ZSCAN25: variants seen among roughly 807,000 people sequenced by gnomAD.
ZSCAN25 encodes the protein zinc finger and SCAN domain containing 25, also known as zinc finger and SCAN domain-containing protein 25.
ZSCAN25 carries 27 observed loss-of-function variants against 38.7 expected under a neutral mutation model. The observed-to-expected ratio is 0.70, with a 90% CI of 0.51 to 0.96. The LOEUF (loss-of-function observed/expected upper bound fraction) is 0.96, where lower values mean the gene tolerates loss of function less well. Ranked by LOEUF, ZSCAN25 falls within the 40% of genes least tolerant of loss-of-function variation. The pLI is 0.00. For synonymous variants in ZSCAN25, 273 were observed against 277.7 expected (o/e 0.98, Z 0.17); for missense variants, 637 against 705.9 (o/e 0.90, Z 1.11).
chr7:99,706,104 C>A, the ZSCAN25 span, among the ~76,000 whole-genome samples: 2 of 152,136 alleles, frequency 1.3e-5, no homozygotes, highest in African/African-American at 4.8e-5. Context: ...TGGGAAGACA[C>A]CTTCAGGAAG....
At chr7:99,710,822 A>G in the ZSCAN25 span, 1 of 1,613,854 alleles carries the variant, frequency 6.2e-7, no homozygotes, top group African/African-American at 1.3e-5. Flanking sequence ...AGGAGAGAAC[A>G]CTGCTCGTGG....
At chr7:99,658,890 T>G in the ZSCAN25 span, 1 of 152,264 alleles carries the variant, frequency 6.6e-6, no homozygotes, top group Non-Finnish European at 1.5e-5. Context: ...CTGAGGCTTG[T>G]GCATTCATCA....
the ZSCAN25 span, chr7:99,720,339 A>G: frequency 6.2e-7 from 1 of 1,613,522 alleles, no homozygotes; most frequent in Non-Finnish European, 8.5e-7. Flanking sequence ...ACAGAATAAC[A>G]TTCTTTCACT....
chr7:99,677,914 G>T, the ZSCAN25 span, among the ~76,000 whole-genome samples: 1 of 152,234 alleles, frequency 6.6e-6, no homozygotes, highest in Non-Finnish European at 1.5e-5. Flanking sequence ...ATCTTGGTGA[G>T]TGTCTAGATT....
At chr7:99,675,067 A>G in the ZSCAN25 span, among the ~76,000 whole-genome samples, 15 of 152,144 alleles carry the variant, frequency 9.9e-5, no homozygotes, top group African/African-American at 3.6e-4. Flanking sequence ...GAAACCAGGA[A>G]CCTCTTTTAG....
the ZSCAN25 span, chr7:99,648,478 T>A: frequency 8.2e-7 from 1 of 1,218,598 alleles, no homozygotes; most frequent in Non-Finnish European, 1.2e-6. Flanking sequence ...GTAGAAAAAA[T>A]ATGACAAAAA....
the ZSCAN25 span, chr7:99,695,781 G>C: frequency 6.2e-7 from 1 of 1,613,756 alleles, no homozygotes; most frequent in African/African-American, 1.3e-5. Context: ...AAAAAAAGCA[G>C]AGGTGTGGGC....
At chr7:99,731,037 G>C in the ZSCAN25 span, 4 of 1,613,316 alleles carry the variant, frequency 2.5e-6, no homozygotes, top group South Asian at 4.4e-5. Context: ...AGAAGCAAAA[G>C]AGGAAGCTCA....
chr7:99,660,725 A>T, the ZSCAN25 span: 1 of 1,564,790 alleles, frequency 6.4e-7, no homozygotes, highest in South Asian at 1.1e-5. Flanking sequence ...CTTAGATGAA[A>T]TCTAAGTGAA....
At chr7:99,723,183 A>G in the ZSCAN25 span, among the ~76,000 whole-genome samples, 3 of 152,192 alleles carry the variant, frequency 2.0e-5, no homozygotes, top group African/African-American at 7.2e-5. Context: ...GCATGGGTAC[A>G]TCCAGATGGC....
chr7:99,734,995 G>A, the ZSCAN25 span: 6 of 1,613,788 alleles, frequency 3.7e-6, no homozygotes, highest in Non-Finnish European at 3.4e-6. Flanking sequence ...CAAGGAAACA[G>A]AGAAGAGGAG....
the ZSCAN25 span, among the ~76,000 whole-genome samples, chr7:99,694,242 A>G: frequency 6.6e-6 from 1 of 152,184 alleles, no homozygotes; most frequent in Admixed American, 6.5e-5. Context: ...ATCTCTGTTC[A>G]TCATCCTTTT....
At chr7:99,673,699 TG>T in the ZSCAN25 span, among the ~76,000 whole-genome samples, 1 of 152,164 alleles carries the variant, frequency 6.6e-6, no homozygotes, top group African/African-American at 2.4e-5. Context: ...GGCTTTTAAT[TG>T]AAAGTGAATC....
chr7:99,680,403 C>G, the ZSCAN25 span, among the ~76,000 whole-genome samples: 1 of 152,170 alleles, frequency 6.6e-6, no homozygotes, highest in Non-Finnish European at 1.5e-5. Context: ...TAAAATTTTT[C>G]CTTACCAACC....
the ZSCAN25 span, chr7:99,695,781 G>A: frequency 8.1e-6 from 13 of 1,613,638 alleles, no homozygotes; most frequent in Non-Finnish European, 1.1e-5. Context: ...AAAAAAAGCA[G>A]AGGTGTGGGC....
chr7:99,716,027 C>T, the ZSCAN25 span: 2 of 1,583,352 alleles, frequency 1.3e-6, no homozygotes, highest in Non-Finnish European at 1.7e-6. Context: ...ACTTTCAGAA[C>T]TATTTACTGG....
chr7:99,714,547 C>T, the ZSCAN25 span: 61 of 1,612,226 alleles, frequency 3.8e-5, no homozygotes, highest in South Asian at 2.3e-4. Flanking sequence ...ACTACCACCA[C>T]GTTTTACCTT....
Position 99,619,751 on chromosome 7 carries a change from C to G in ZSCAN25, c.145C>G (p.Arg49Gly). ...ETFRLRFRQF[R>G]YQEAAGPQEA... Reference sequence around the variant, plus strand: ...TTTTCGGCTGAGGTTTCGGCAGTTCCGCTACCAGGAGGCAGCTGGACCCCA... The same window carrying G: ...TTTTCGGCTGAGGTTTCGGCAGTTCGGCTACCAGGAGGCAGCTGGACCCCA... The change falls in exon 4 of 8, where the codon CGC becomes GGC. Residue 49 changes from arginine (R) to glycine (G), a missense_variant. By Grantham distance (125) the Arg-to-Gly change is moderately radical. Transcript: ENST00000394152. 1.2e-6 allele frequency: 2 copies of G among 1,614,234 alleles called. No homozygotes were observed. Among genetic ancestry groups the G allele is most frequent in the Non-Finnish European group, 1.7e-6 (2 of 1,180,038 alleles).
At chr7:99,686,062 A>G in the ZSCAN25 span, among the ~76,000 whole-genome samples, 9 of 152,212 alleles carry the variant, frequency 5.9e-5, no homozygotes, top group Non-Finnish European at 1.3e-4. Context: ...GCTCCGGTCT[A>G]CAGCTCCCAG....
Sources: gnomAD v4.1 joint callset for allele counts (sites outside exome capture counted in the v4.1 genomes callset) on GRCh38, gnomAD v4.1.1 for gene constraint, MANE v1.5 for transcripts, NCBI Gene and HGNC (gene_info 2026-07-23, HGNC 2026-07-21) for gene names.